The following PUS1 variants were observed in gnomAD, a reference collection of about 807,000 sequenced individuals.
The protein encoded by PUS1 is pseudouridine synthase 1.
A neutral mutation model predicts 38.5 loss-of-function variants in PUS1; 25 were observed. The ratio of observed to expected loss-of-function variants is 0.65; its 90% CI spans 0.47 to 0.91. PUS1 has a LOEUF of 0.91. PUS1 is among the 40% of genes least tolerant of loss of function. The pLI, the probability that PUS1 is intolerant of heterozygous loss-of-function variation, is 0.00. For missense variants in PUS1, 597 were observed against 612.3 expected, an observed-to-expected ratio of 0.97 and a Z score of 0.26; for synonymous variants, 282 against 260.4, an observed-to-expected ratio of 1.08 and a Z score of -0.80.
chr12:131,930,490 G>A (rs1307855795), intron 2 of PUS1, among the ~76,000 whole-genome samples: 1 of 152,236 alleles, frequency 6.6e-6, no homozygotes. Flanking sequence ...TGGACAGCTC[G>A]GGGCAGCTCA....
chr12:131,932,085 A>T lies in PUS1; in HGVS notation c.304-90A>T, dbSNP rs565517821. On this transcript the variant is annotated intron_variant, in intron 2 of 5. Coordinates refer to ENST00000376649, the MANE Select transcript of PUS1 (RefSeq NM_025215.6). ...CAGCACTTCAGGAGGCCAGAGGAGT[A>T]AGCGGCCAGGAGTTCGAGACCAGCC... 1.8e-4 allele frequency: 207 copies of T among 1,122,128 alleles called. 2 individuals carry two copies. The South Asian group carries it at 2.7e-3, about 15-fold the overall frequency. 69.5% of individuals were successfully genotyped at this position (1,122,128 alleles called of 1,614,324 possible).
chr12:131,933,443 T>G (rs549829005), intron 3 of PUS1, among the ~76,000 whole-genome samples: 1 of 152,364 alleles, frequency 6.6e-6, no homozygotes, highest in African/African-American at 2.4e-5. Flanking sequence ...AATACTGTTT[T>G]TGTGTGTATG....
rs148595053 is a variant in PUS1 at position 131,945,301 on chromosome 12, C to A, written c.*1715C>A. ...GTGGAGCTGGTTTTAGGGATTTTGG[C>A]CAGAGGAGCAGTGGGGCTCACTGCT... On this transcript the variant is annotated 3_prime_UTR_variant, in exon 6 of 6. Transcript: ENST00000376649. 2.4e-3 allele frequency: 359 copies of A among 152,350 alleles called. 2 individuals carry two copies. The highest frequency in any genetic ancestry group is 4.6e-3 in the South Asian group (22 of 4,826). 9.4% of individuals were successfully genotyped at this position (152,350 alleles called of 1,614,324 possible).
At chr12:131,940,155 A>G (rs4965004) in intron 4 of PUS1, among the ~76,000 whole-genome samples, 20,282 of 152,004 alleles carry the variant, frequency 0.13, 1,933 homozygotes, top group East Asian at 0.55. Flanking sequence ...GCCTCAGCCT[A>G]TAAGCTGGGA....
Position 131,941,350 on chromosome 12 carries a change from T to C in PUS1, c.603T>C (p.Tyr201=). The C allele has an allele frequency of 6.2e-7, 1 of 1,614,210 alleles. No homozygotes were observed. The highest frequency in any genetic ancestry group is 8.5e-7 in the Non-Finnish European group (1 of 1,180,048). ...AGAACAGATGTGATGCCAGGACCTA[T>C]TGCTACCTGCTGCCCACGTTTGCCT... ...NSKNRCDART[Y]CYLLPTFAFA... is the part of the protein sequence containing the mutation. Residue 201 remains tyrosine, a synonymous_variant, in exon 5 of 6, where the codon TAT becomes TAC. Transcript: ENST00000376649. This position sits in a 1 kb window ranked among gnomAD's most constrained non-coding sequence, Gnocchi z 4.4.
chr12:131,939,163 T>C lies in PUS1; in HGVS notation c.442-10T>C, dbSNP rs1303153204. ...CCCACCTTCCGTCACCCGTTCTGCTTTGTTTACAGGGTGTGTCCGCAGCCG... is the reference window on the plus strand; with the variant it reads ...CCCACCTTCCGTCACCCGTTCTGCTCTGTTTACAGGGTGTGTCCGCAGCCG... On this transcript the variant is annotated splice_polypyrimidine_tract_variant and intron_variant, in intron 3 of 5. Transcript: ENST00000376649. 1 of 1,546,986 alleles carries C rather than the reference T, an allele frequency of 6.5e-7. No individual in the cohort carries two copies. Among genetic ancestry groups the C allele is most frequent in the Non-Finnish European group, 8.8e-7 (1 of 1,142,224 alleles).
At chr12:131,932,403 T>G in intron 3 of PUS1, 91 bp downstream of exon 3, 3 of 1,423,628 alleles carry the variant, frequency 2.1e-6, no homozygotes, top group Non-Finnish European at 2.9e-6. Context: ...TTATGCTGTT[T>G]CTGAGCACAT....
intron 3 of PUS1, among the ~76,000 whole-genome samples, chr12:131,937,205 T>A (rs1448549428): frequency 6.6e-6 from 1 of 152,214 alleles, no homozygotes; most frequent in Non-Finnish European, 1.5e-5. Context: ...CAACTTTTTA[T>A]TTTGAAAATT....
At chr12:131,932,344 C>T (rs762730617) in intron 3 of PUS1, 32 bp downstream of exon 3, 9 of 1,611,528 alleles carry the variant, frequency 5.6e-6, no homozygotes, top group Non-Finnish European at 7.6e-6. Context: ...CCCTCCCCCG[C>T]TGCTATGAGC....
At chr12:131,940,029 G>C (rs920590534) in intron 4 of PUS1, among the ~76,000 whole-genome samples, 3 of 151,498 alleles carry the variant, frequency 2.0e-5, no homozygotes, top group Non-Finnish European at 4.4e-5. Context: ...TGCCTGACTG[G>C]TCTGCTTGGA....
At position 131,932,149 on chromosome 12, in the gene PUS1, A is replaced by G. The variant is rs368047521; in HGVS notation, c.304-26A>G. The stretch of plus-strand genomic sequence containing the variant: ...GGCGACCTCTGTCTGCAAAATATAA[A>G]ATCTGTTTTTGTCTCCTTTTTCCAG... On this transcript the variant is annotated intron_variant, in intron 2 of 5. Coordinates refer to ENST00000376649, the MANE Select transcript of PUS1 (RefSeq NM_025215.6). 2.6e-5 allele frequency: 42 copies of G among 1,611,664 alleles called. No homozygotes were observed. In the African/African-American group the frequency reaches 5.3e-4, roughly 21 times the overall value.
rs1355006427 is a variant in PUS1 at position 131,943,531 on chromosome 12, T to C, written c.1237-8T>C. On this transcript the variant is annotated splice_region_variant and splice_polypyrimidine_tract_variant and intron_variant, in intron 5 of 5. Transcript: ENST00000376649. The stretch of plus-strand genomic sequence containing the variant: ...GCCTCTTATTCTCCATGTGGTCTTC[T>C]TCTGCAGGTGCCCAGTCCCCTGGAA... The C allele has an allele frequency of 2.5e-6, 4 of 1,612,670 alleles. No homozygotes were observed. The highest frequency in any genetic ancestry group is 3.4e-6 in the Non-Finnish European group (4 of 1,178,858).
At chr12:131,936,621 G>T (rs1232364524) in intron 3 of PUS1, among the ~76,000 whole-genome samples, 1 of 152,068 alleles carries the variant, frequency 6.6e-6, no homozygotes, top group Non-Finnish European at 1.5e-5. Flanking sequence ...GGGTGTGGTG[G>T]CTCACGCCTG....
intron 5 of PUS1, among the ~76,000 whole-genome samples, chr12:131,942,552 G>C (rs555602010): frequency 2.0e-5 from 3 of 152,124 alleles, no homozygotes; most frequent in South Asian, 2.1e-4. Context: ...GACTACAGGC[G>C]CCCACCACCA....
rs113924882 is a variant in PUS1 at position 131,936,866 on chromosome 12, C to CAA, written c.442-2294_442-2293dup. Among the ~76,000 whole-genome samples the CAA allele has an allele frequency of 2.5e-4, 34 of 133,854 alleles. 1 individual carries two copies. The highest frequency in any genetic ancestry group is 7.7e-4 in the Admixed American group (10 of 13,062). 87.8% of individuals were successfully genotyped at this position (133,854 alleles called of 152,430 possible). On this transcript the variant is annotated intron_variant, in intron 3 of 5. Coordinates refer to ENST00000376649, the MANE Select transcript of PUS1 (RefSeq NM_025215.6). ...GTTGCGTCACTGAGCTCCAGCCTGG[C>CAA]AAAAAAAAAAAAAAGTATACAGTTT... is the stretch of plus-strand genomic sequence containing the variant.
At position 131,941,897 on chromosome 12, in the gene PUS1, G is replaced by T; in HGVS notation, c.1150G>T (p.Glu384Ter). The change falls in exon 5 of 6, where the codon GAA becomes TAA. Residue 384 changes from glutamate to a stop codon, truncating the protein, a stop_gained. Coordinates refer to ENST00000376649, the MANE Select transcript of PUS1 (RefSeq NM_025215.6). LOFTEE classifies it high-confidence loss of function. The surrounding 1 kb of genome is among the most constrained non-coding windows in gnomAD (Gnocchi z 4.4). Reference sequence around the variant, plus strand: ...CACCATCATCGGCACCGAGCGGGACGAACGCTCCATGGCCCAGTGGCTGAG... The same window carrying T: ...CACCATCATCGGCACCGAGCGGGACTAACGCTCCATGGCCCAGTGGCTGAG... Reference protein sequence around the residue: ...YPTIIGTERDERSMAQWLSTL... With the variant: ...YPTIIGTERD The T allele has an allele frequency of 6.2e-7, 1 of 1,613,464 alleles. No homozygotes were observed. Among genetic ancestry groups the T allele is most frequent in the South Asian group, 1.1e-5 (1 of 91,078 alleles).
At chr12:131,934,796 C>A (rs541175166) in intron 3 of PUS1, 1 of 152,374 alleles carries the variant, frequency 6.6e-6, no homozygotes, top group Admixed American at 6.5e-5. Context: ...CATCCTTGCT[C>A]TTCCGAGTGC....
rs146983600 is a variant in PUS1, at chr12:131,944,162, G to A, written c.*576G>A. ...TGAGGTGGGAGGATTGCCTGAGTCT[G>A]GAGAAGTCGAGGCTGCCCTGATTGC... On this transcript the variant is annotated 3_prime_UTR_variant, in exon 6 of 6. Coordinates refer to ENST00000376649, the MANE Select transcript of PUS1 (RefSeq NM_025215.6). 397 of 157,980 alleles carry A rather than the reference G, an allele frequency of 2.5e-3. 3 individuals are homozygous for A. Among genetic ancestry groups the A allele is most frequent in the African/African-American group, 8.9e-3 (369 of 41,468 alleles). The allele number at this position is 157,980 out of a possible 1,614,324, so 9.8% of individuals were successfully genotyped here. A position where few individuals can be genotyped will look rare whatever the true frequency, so the allele number is the denominator to read the frequency against.
intron 3 of PUS1, among the ~76,000 whole-genome samples, chr12:131,937,031 TG>T (rs1890863390): frequency 6.6e-6 from 1 of 152,206 alleles, no homozygotes. Context: ...ACAGAGTGGT[TG>T]GCAATGAGAT....
Sources: gnomAD v4.1 joint callset for allele counts (sites outside exome capture counted in the v4.1 genomes callset) on GRCh38, gnomAD v4.1.1 for gene constraint, Gnocchi (gnomAD v3.1) non-coding constraint, MANE v1.5 for transcripts, NCBI Gene and HGNC (gene_info 2026-07-23, HGNC 2026-07-21) for gene names.